The following CGNL1 variants were observed in gnomAD, a reference collection of about 807,000 sequenced individuals.
CGNL1 encodes the protein cingulin like 1, also known as cingulin-like protein 1.
In CGNL1, 132 loss-of-function variants were observed where a neutral mutation model predicts 141.2. That is an observed-to-expected ratio of 0.93 (90% CI 0.81 to 1.08). The LOEUF is 1.08. Among genes scored for constraint, CGNL1 ranks in the 50% least tolerant of loss-of-function variants. The pLI, the probability that CGNL1 is intolerant of heterozygous loss-of-function variation, is 0.00. For missense variants in CGNL1, 1,870 were observed against 1,588.6 expected, an observed-to-expected ratio of 1.18 and a Z score of -3.01; for synonymous variants, 690 against 622.1, an observed-to-expected ratio of 1.11 and a Z score of -1.63.
chr15:57,510,916 C>T (rs10851616), intron 8 of CGNL1, among the ~76,000 whole-genome samples: 23,665 of 152,098 alleles, frequency 0.16, 2,293 homozygotes, highest in East Asian at 0.46. Flanking sequence ...CCTGGGGCTC[C>T]GGCTCCGCTA....
rs376126921 is a variant in CGNL1, at chr15:57,528,756, G to C, written c.3142G>C (p.Glu1048Gln). The C allele has an allele frequency of 1.2e-4, 193 of 1,614,062 alleles. No homozygotes were observed. Among genetic ancestry groups the C allele is most frequent in the Admixed American group, 1.7e-4 (10 of 60,008 alleles). The change falls in exon 13 of 19, where the codon GAG becomes CAG. Residue 1048 changes from glutamate (E) to glutamine (Q), a missense_variant. By Grantham distance (29) the Glu-to-Gln change is conservative. Transcript: ENST00000281282. The stretch of plus-strand genomic sequence containing the variant: ...GCAGACGCTGAAGGACCTGGAGTAT[G>C]AGCTGGAAGCCAAGAGTCACCTCAA... ...LEQTLKDLEY[E>Q]LEAKSHLKDD... is the part of the protein sequence containing the mutation.
At chr15:57,380,681 C>G (rs2062414634) in intron 1 of CGNL1, among the ~76,000 whole-genome samples, 1 of 152,090 alleles carries the variant, frequency 6.6e-6, no homozygotes, top group African/African-American at 2.4e-5. Flanking sequence ...ATCCATCATG[C>G]AAAGGGGAGG....
intron 8 of CGNL1, among the ~76,000 whole-genome samples, chr15:57,508,180 C>T (rs2064129973): frequency 6.8e-6 from 1 of 147,182 alleles, no homozygotes; most frequent in Non-Finnish European, 1.5e-5. Flanking sequence ...TATTTGTGCC[C>T]CTCCACCCTC....
rs1308928672 is a variant in CGNL1 at position 57,439,428 on chromosome 15, C to G, written c.1429C>G (p.Gln477Glu). The change falls in exon 2 of 19, where the codon CAG (glutamine) becomes GAG (glutamate). Residue 477 changes from glutamine (Q) to glutamate (E), a missense_variant. Physicochemically the swap from Gln to Glu is conservative, Grantham distance 29 (BLOSUM62 2). Coordinates refer to ENST00000281282, the MANE Select transcript of CGNL1 (RefSeq NM_032866.5). Reference protein sequence around the residue: ...DGKVLETEGSQESTVIRAPSL... With the variant: ...DGKVLETEGSEESTVIRAPSL... ...GAAAGTTCTGGAAACCGAAGGTAGT[C>G]AGGAAAGTACAGTGATCCGTGCGCC... The G allele has an allele frequency of 1.2e-6, 2 of 1,614,174 alleles. No individual in the cohort carries two copies. The highest frequency in any genetic ancestry group is 2.2e-5 in the South Asian group (2 of 91,066).
intron 1 of CGNL1, among the ~76,000 whole-genome samples, chr15:57,413,641 T>A (rs2062817979): frequency 6.6e-6 from 1 of 152,240 alleles, no homozygotes; most frequent in African/African-American, 2.4e-5. Flanking sequence ...TCTTTTCTTT[T>A]AAAAAATTAA....
At chr15:57,419,417 C>T (rs568125703) in intron 1 of CGNL1, among the ~76,000 whole-genome samples, 1 of 152,170 alleles carries the variant, frequency 6.6e-6, no homozygotes, top group South Asian at 2.1e-4. Context: ...CACACTTTAT[C>T]CCGATTTTCT....
At chr15:57,378,679 C>T (rs1349742362) in intron 1 of CGNL1, among the ~76,000 whole-genome samples, 4 of 152,156 alleles carry the variant, frequency 2.6e-5, no homozygotes, top group East Asian at 1.9e-4. Context: ...CACCGTGCCC[C>T]GCCTGTATTT....
At chr15:57,459,427 C>G (rs1219242133) in intron 7 of CGNL1, among the ~76,000 whole-genome samples, 1 of 152,094 alleles carries the variant, frequency 6.6e-6, no homozygotes, top group Non-Finnish European at 1.5e-5. Context: ...GTGAGAAGAA[C>G]AGCTAGAGTG....
At chr15:57,403,376 C>T (rs1203368130) in intron 1 of CGNL1, among the ~76,000 whole-genome samples, 4 of 152,162 alleles carry the variant, frequency 2.6e-5, no homozygotes, top group African/African-American at 9.7e-5. Context: ...CTTCCCCTTT[C>T]CCCCCAACAA....
intron 8 of CGNL1, among the ~76,000 whole-genome samples, chr15:57,499,873 G>T (rs1247560092): frequency 6.6e-6 from 1 of 152,236 alleles, no homozygotes; most frequent in Non-Finnish European, 1.5e-5. Flanking sequence ...AGATGGAATA[G>T]GTAGACTGAA....
At chr15:57,459,910 C>T (rs1358992621) in intron 7 of CGNL1, among the ~76,000 whole-genome samples, 7 of 152,146 alleles carry the variant, frequency 4.6e-5, no homozygotes, top group Non-Finnish European at 1.0e-4. Flanking sequence ...CAGATGGGTT[C>T]ATCTAGCAGG....
chr15:57,509,338 AAG>A (rs2030013038), intron 8 of CGNL1, among the ~76,000 whole-genome samples: 1 of 152,222 alleles, frequency 6.6e-6, no homozygotes, highest in Admixed American at 6.5e-5. Flanking sequence ...TTCAGCAAAA[AAG>A]AGAGACAGAA....
chr15:57,474,888 T>C (rs2063631936), intron 8 of CGNL1, among the ~76,000 whole-genome samples: 1 of 152,230 alleles, frequency 6.6e-6, no homozygotes, highest in African/African-American at 2.4e-5. Flanking sequence ...AATAAGAGTA[T>C]TGATCTGCAC....
At chr15:57,520,840 A>C (rs1205197217) in intron 10 of CGNL1, among the ~76,000 whole-genome samples, 1 of 152,110 alleles carries the variant, frequency 6.6e-6, no homozygotes, top group African/African-American at 2.4e-5. Context: ...AAGAAGACCA[A>C]CTTCCTTCTG....
At chr15:57,486,739 C>G (rs1239303337) in intron 8 of CGNL1, among the ~76,000 whole-genome samples, 2 of 152,042 alleles carry the variant, frequency 1.3e-5, no homozygotes, top group Admixed American at 6.6e-5. Flanking sequence ...TGAATCTGAC[C>G]GTGTTGAGTT....
rs71441464 is a variant in CGNL1, at chr15:57,383,595, CCTTTTCTTTTCTTTTCTTTT to C, written c.-16+7049_-16+7068del. On this transcript the variant is annotated intron_variant, in intron 1 of 18. Transcript: ENST00000281282. ...TTACAGGCGTGAGCCACCACATCTG[CCTTTTCTTTTCTTTTCTTTT>C]CTTTTCTTTTCTTTTCTTTTTTTTT... Among the ~76,000 whole-genome samples, 15 of 107,692 alleles carry C rather than the reference CCTTTTCTTTTCTTTTCTTTT, an allele frequency of 1.4e-4. 1 individual carries two copies. The highest frequency in any genetic ancestry group is 3.6e-4 in the East Asian group (1 of 2,812). The allele number at this position is 107,692 out of a possible 152,430, so 70.7% of individuals were successfully genotyped here. A position where few individuals can be genotyped will look rare whatever the true frequency, so the allele number is the denominator to read the frequency against.
intron 1 of CGNL1, chr15:57,393,922 G>A (rs1399856870): frequency 7.4e-6 from 1 of 135,684 alleles, no homozygotes; most frequent in Non-Finnish European, 1.5e-5. Flanking sequence ...TACTTAACAT[G>A]TATTAACTTT....
intron 5 of CGNL1, 47 bp from the exon 6 acceptor site, chr15:57,452,094 G>A (rs754695334): frequency 4.9e-5 from 76 of 1,558,064 alleles, no homozygotes; most frequent in Non-Finnish European, 6.0e-5. Context: ...GTGGGGTTAC[G>A]TTAATGTACA....
rs765181737 is a variant in CGNL1, at chr15:57,547,359, A to G, written c.3778A>G (p.Lys1260Glu). The part of the protein sequence containing the change: ...LNSMKKDLRL[K>E]KLPSKVLDDM... ...TGCCCCTTGTCATTTCAGCAGACTG[A>G]AGAAGCTGCCGAGTAAAGTGCTGGA... Residue 1260 changes from lysine (K) to glutamate (E), a missense_variant, in exon 19 of 19, where the codon AAG becomes GAG. By Grantham distance (56) the Lys-to-Glu change is moderately conservative. Coordinates refer to ENST00000281282, the MANE Select transcript of CGNL1 (RefSeq NM_032866.5). 1 of 1,614,130 alleles carries G rather than the reference A, an allele frequency of 6.2e-7. No individual in the cohort carries two copies. The highest frequency in any genetic ancestry group is 1.1e-5 in the South Asian group (1 of 91,056).
Sources: gnomAD v4.1 joint callset for allele counts (sites outside exome capture counted in the v4.1 genomes callset) on GRCh38, gnomAD v4.1.1 for gene constraint, MANE v1.5 for transcripts, NCBI Gene and HGNC (gene_info 2026-07-23, HGNC 2026-07-21) for gene names.